The following VWF variants were observed in gnomAD, a reference collection of about 807,000 sequenced individuals.
The protein encoded by VWF is Factor VIII related antigen.
A neutral mutation model predicts 308.6 loss-of-function variants in VWF; 176 were observed. That is an observed-to-expected ratio of 0.57 (90% CI 0.50 to 0.65). VWF has a LOEUF of 0.65. Ranked by LOEUF, VWF falls within the 30% of genes least tolerant of loss-of-function variation. The pLI is 0.00. For missense variants in VWF, 3,146 were observed against 3,648.2 expected (o/e 0.86, Z 3.55); for synonymous variants, 1,385 against 1,443.4 (o/e 0.96, Z 0.92).
chr12:6,000,788 A>G (rs1257331506), intron 34 of VWF, among the ~76,000 whole-genome samples: 3 of 101,170 alleles, frequency 3.0e-5, no homozygotes, highest in African/African-American at 1.1e-4. Context: ...CTCCAGCCTG[A>G]GCCACAGAGC....
At chr12:5,961,685 G>A (rs894614936) in intron 47 of VWF, among the ~76,000 whole-genome samples, 1 of 148,376 alleles carries the variant, frequency 6.7e-6, no homozygotes, top group Non-Finnish European at 1.5e-5. Context: ...TTTTATAAAA[G>A]CAACAAACAA....
At position 6,063,552 on chromosome 12, in the gene VWF, A is replaced by C. The variant is rs1378501066; in HGVS notation, c.1433-498T>G. On this transcript the variant is annotated intron_variant, in intron 12 of 51. Transcript: ENST00000261405. The surrounding 1 kb of genome is among the most constrained non-coding windows in gnomAD (Gnocchi z 4.9). ...TGCCCTGGGGGAACAAACATATCTT[A>C]TAAGGAGACACACAGCATAACACCC... 6.6e-6 allele frequency among the ~76,000 whole-genome samples: 1 copy of C among 152,096 alleles called. No homozygotes were observed. Among genetic ancestry groups the C allele is most frequent in the Non-Finnish European group, 1.5e-5 (1 of 68,004 alleles).
chr12:6,067,874 C>T (rs1944734160), intron 10 of VWF, among the ~76,000 whole-genome samples: 1 of 152,066 alleles, frequency 6.6e-6, no homozygotes, highest in African/African-American at 2.4e-5. Flanking sequence ...TGGCTCATGC[C>T]TATAATCCCA....
chr12:6,010,751 A>G (rs1368070608), intron 34 of VWF, among the ~76,000 whole-genome samples: 2 of 152,238 alleles, frequency 1.3e-5, no homozygotes, highest in African/African-American at 2.4e-5. Flanking sequence ...TACAGAGGAA[A>G]GCTGACCATA....
At chr12:5,951,975 A>G in intron 49 of VWF, 92 bp from the exon 50 acceptor site, 1 of 1,280,162 alleles carries the variant, frequency 7.8e-7, no homozygotes, top group Non-Finnish European at 1.1e-6. Context: ...CTCCGAACTC[A>G]CAGCCCTGTG....
At chr12:6,003,600 T>C (rs915544068) in intron 34 of VWF, among the ~76,000 whole-genome samples, 14 of 151,222 alleles carry the variant, frequency 9.3e-5, no homozygotes, top group Admixed American at 2.0e-4. Context: ...CCAGTCGCAA[T>C]AGGAAAAATG....
rs1420737906 is a variant in VWF at position 6,060,804 on chromosome 12, G to A, written c.1533+2150C>T. Among the ~76,000 whole-genome samples the A allele has an allele frequency of 6.6e-6, 1 of 152,150 alleles. No homozygotes were observed. The highest frequency in any genetic ancestry group is 1.5e-5 in the Non-Finnish European group (1 of 68,030). Reference sequence around the variant, plus strand: ...AAAGACCAAAGAAACCTGAGGGGAGGAAGGGCAGCTGCCCAGGATGAGAAG... The same window carrying A: ...AAAGACCAAAGAAACCTGAGGGGAGAAAGGGCAGCTGCCCAGGATGAGAAG... On this transcript the variant is annotated intron_variant, in intron 13 of 51. Transcript: ENST00000261405. This position sits in a 1 kb window ranked among gnomAD's most constrained non-coding sequence, Gnocchi z 5.1.
chr12:6,017,099 G>T (rs1289235303), intron 28 of VWF, among the ~76,000 whole-genome samples: 1 of 152,242 alleles, frequency 6.6e-6, no homozygotes, highest in Admixed American at 6.5e-5. Context: ...ACACTGAGAA[G>T]ACTCCAATTC....
chr12:6,044,962 T>C (rs549108852), intron 17 of VWF, among the ~76,000 whole-genome samples: 1 of 152,108 alleles, frequency 6.6e-6, no homozygotes, highest in Non-Finnish European at 1.5e-5. Flanking sequence ...CCCGCAACAC[T>C]CCATCCCTGG....
chr12:6,107,224 A>T (rs1945254259), intron 5 of VWF, among the ~76,000 whole-genome samples: 1 of 152,236 alleles, frequency 6.6e-6, no homozygotes, highest in African/African-American at 2.4e-5. Flanking sequence ...AAGACTACAG[A>T]AACAGATAAA....
At position 5,981,836 on chromosome 12, in the gene VWF, T is replaced by C. The variant is rs747934541; in HGVS notation, c.7237A>G (p.Thr2413Ala). The change falls in exon 42 of 52, where the codon ACT (threonine) becomes GCT (alanine). Residue 2413 changes from threonine (T) to alanine (A), a missense_variant. Physicochemically the swap from Thr to Ala is moderately conservative, Grantham distance 58 (BLOSUM62 0). Around this residue, in one of 3 missense-constraint regions of VWF, gnomAD observed 989 missense variants for 1,117.4 expected, o/e 0.89. Coordinates refer to ENST00000261405, the MANE Select transcript of VWF (RefSeq NM_000552.5). The stretch of plus-strand genomic sequence containing the variant: ...GTACAGCCACAGTCATTGGTGGCAG[T>C]TGAGGCCAAGTACCCAAGGGGACAG... ...VSCPLGYLAS[T>A]ATNDCGCTTT... is the part of the protein sequence containing the mutation. 2.5e-6 allele frequency: 4 copies of C among 1,614,048 alleles called. No homozygotes were observed. Among genetic ancestry groups the C allele is most frequent in the African/African-American group, 1.3e-5 (1 of 75,002 alleles).
intron 45 of VWF, 73 bp from the exon 46 acceptor site, chr12:5,968,240 C>T: frequency 6.3e-7 from 1 of 1,585,404 alleles, no homozygotes; most frequent in Non-Finnish European, 8.6e-7. Flanking sequence ...AGGCTGCTCT[C>T]TTTGGGGCTC....
chr12:5,983,402 G>GATAGATAA (rs1943631611), intron 40 of VWF, 148 bp from the exon 41 acceptor site: 1 of 386,000 alleles, frequency 2.6e-6, no homozygotes, highest in African/African-American at 8.7e-5. Flanking sequence ...CATGGGTTAG[G>GATAGATAA]ATAGATAGAT....
intron 47 of VWF, among the ~76,000 whole-genome samples, chr12:5,960,855 C>G (rs929893198): frequency 9.9e-5 from 15 of 152,268 alleles, no homozygotes; most frequent in Admixed American, 9.8e-4. Flanking sequence ...GGACAGGGGG[C>G]CCCAGTACCA....
At chr12:6,037,925 A>G (rs1247277689) in intron 18 of VWF, among the ~76,000 whole-genome samples, 1 of 152,162 alleles carries the variant, frequency 6.6e-6, no homozygotes, top group Admixed American at 6.5e-5. Context: ...GGGGGAGGGA[A>G]ATAGGAAGAA....
At chr12:5,990,868 T>TAAAAA (rs755717764) in intron 38 of VWF, among the ~76,000 whole-genome samples, 335 of 31,350 alleles carry the variant, frequency 0.011, 31 homozygotes, top group Non-Finnish European at 0.014. Flanking sequence ...CCCATAGAGC[T>TAAAAA]AAAAAAAAAA....
intron 34 of VWF, among the ~76,000 whole-genome samples, chr12:6,000,196 C>T (rs1210304601): frequency 6.6e-6 from 1 of 152,128 alleles, no homozygotes; most frequent in Non-Finnish European, 1.5e-5. Context: ...GAAAAATTAA[C>T]CCAAAACAGT....
chr12:6,074,134 C>T (rs752983551), intron 7 of VWF, among the ~76,000 whole-genome samples: 4 of 152,094 alleles, frequency 2.6e-5, no homozygotes, highest in Non-Finnish European at 5.9e-5. Context: ...CCCTCCATCC[C>T]ATCCCTCCTC....
chr12:5,949,485 C>G (rs1053479911), intron 51 of VWF, among the ~76,000 whole-genome samples: 1 of 152,120 alleles, frequency 6.6e-6, no homozygotes, highest in African/African-American at 2.4e-5. Context: ...ATGTTTTATG[C>G]AGGAAAATTT....
Sources: allele counts gnomAD v4.1 joint callset (sites outside exome capture counted in the v4.1 genomes callset), GRCh38; gene constraint gnomAD v4.1.1; regional missense constraint gnomAD v4.1.1; non-coding constraint Gnocchi (gnomAD v3.1); transcripts MANE v1.5; gene names NCBI Gene and HGNC (gene_info 2026-07-23, HGNC 2026-07-21).